Variants in EIF4G3 observed in about 807,000 individuals in gnomAD.
EIF4G3 encodes the protein eIF-4-gamma 3.
Under a neutral mutation model 186.4 loss-of-function variants are expected in EIF4G3, and 34 were observed. That is an observed-to-expected ratio of 0.18 (90% CI 0.14 to 0.24). The LOEUF is 0.24. EIF4G3 is among the 10% of genes least tolerant of loss of function. The pLI is 1.00. For synonymous variants in EIF4G3, 673 were observed against 679.5 expected (o/e 0.99, Z 0.15); for missense variants, 1,536 against 1,948.5 (o/e 0.79, Z 3.99).
intron 2 of EIF4G3, among the ~76,000 whole-genome samples, chr1:21,163,030 G>A (rs1280453660): frequency 2.6e-5 from 4 of 152,122 alleles, no homozygotes; most frequent in Non-Finnish European, 4.4e-5. Flanking sequence ...CTCCTTTCCA[G>A]CTTAGAAAAA....
chr1:20,867,872 A>G (rs1369867858), intron 20 of EIF4G3, among the ~76,000 whole-genome samples: 1 of 152,200 alleles, frequency 6.6e-6, no homozygotes, highest in Non-Finnish European at 1.5e-5. Flanking sequence ...TTTCAGATAT[A>G]TTCACATGGA....
At chr1:20,935,833 AC>A (rs1281978117) in intron 14 of EIF4G3, among the ~76,000 whole-genome samples, 4 of 152,240 alleles carry the variant, frequency 2.6e-5, no homozygotes, top group African/African-American at 9.6e-5. Flanking sequence ...TCTTTAAAAG[AC>A]TGAGGGAGCA....
chr1:20,909,875 G>A (rs2092913969), intron 14 of EIF4G3, among the ~76,000 whole-genome samples: 1 of 149,100 alleles, frequency 6.7e-6, no homozygotes, highest in South Asian at 2.1e-4. Flanking sequence ...CCAGACTCCT[G>A]GGCCCAAGTG....
intron 2 of EIF4G3, among the ~76,000 whole-genome samples, chr1:21,167,762 A>G (rs2097882496): frequency 7.0e-6 from 1 of 142,830 alleles, no homozygotes; most frequent in South Asian, 2.1e-4. Flanking sequence ...CGTCACAAAG[A>G]AAAAAAAAAT....
Position 21,176,868 on chromosome 1 carries a change from G to C in EIF4G3, c.-602C>G. The C allele has an allele frequency of 4.3e-6, 3 of 699,584 alleles. No individual in the cohort carries two copies. The highest frequency in any genetic ancestry group is 7.8e-6 in the Non-Finnish European group (3 of 382,916). 43.3% of individuals were successfully genotyped at this position (699,584 alleles called of 1,614,324 possible). ...AGCAGAGCATCCAACATGGCGCTGT[G>C]GCCGCCTCCAGCAGTCCGGCAGGAC... On this transcript the variant is annotated 5_prime_UTR_variant, in exon 1 of 37. Transcript: ENST00000602326.
chr1:21,124,325 CAAG>C (rs2096986390), intron 2 of EIF4G3, among the ~76,000 whole-genome samples: 1 of 151,910 alleles, frequency 6.6e-6, no homozygotes, highest in South Asian at 2.1e-4. Flanking sequence ...ACAAAGCTTT[CAAG>C]AAATGTCCTT....
chr1:21,130,447 T>C (rs960450817), intron 2 of EIF4G3, among the ~76,000 whole-genome samples: 1 of 151,942 alleles, frequency 6.6e-6, no homozygotes, highest in African/African-American at 2.4e-5. Context: ...CAGGGTGGTC[T>C]TGAACTCCTG....
chr1:20,822,161 C>A (rs1306497858), intron 33 of EIF4G3, among the ~76,000 whole-genome samples: 2 of 152,156 alleles, frequency 1.3e-5, no homozygotes, highest in South Asian at 4.1e-4. Flanking sequence ...TAGGCATGAG[C>A]CACCACGCCT....
Position 20,895,416 on chromosome 1 carries a change from T to C in EIF4G3, c.2085A>G (p.Ile695Met). 4.3e-6 allele frequency: 7 copies of C among 1,614,080 alleles called. No individual in the cohort carries two copies. Among genetic ancestry groups the C allele is most frequent in the South Asian group, 1.1e-5 (1 of 91,070 alleles). The change falls in exon 17 of 37, where the codon ATA becomes ATG. Residue 695 changes from isoleucine to methionine, a missense_variant. Transcript: ENST00000602326. The stretch of plus-strand genomic sequence containing the variant: ...TAGGAGGCAGGCCCTCTGGTTTTTG[T>C]ATACAGGCAGGCATGAACTGGAAGT... Reference protein sequence around the residue: ...LLDFQFMPACIQKPEGLPPIS... With the variant: ...LLDFQFMPACMQKPEGLPPIS...
Position 20,870,140 on chromosome 1 carries a change from C to T in EIF4G3, c.2623-4878G>A, listed in dbSNP as rs72652940. Among the ~76,000 whole-genome samples, 24 of 152,086 alleles carry T rather than the reference C, an allele frequency of 1.6e-4. 1 individual carries two copies. The highest frequency in any genetic ancestry group is 5.3e-4 in the African/African-American group (22 of 41,496). On this transcript the variant is annotated intron_variant, in intron 20 of 36. Coordinates refer to ENST00000602326, the MANE Select transcript of EIF4G3 (RefSeq NM_001391906.1). ...ACAAATCCCTCCTCCTCCAGTTGACCGGTCACTCGCTGTTGCCCAAGGCTG... is the reference window on the plus strand; with the variant it reads ...ACAAATCCCTCCTCCTCCAGTTGACTGGTCACTCGCTGTTGCCCAAGGCTG...
intron 20 of EIF4G3, among the ~76,000 whole-genome samples, chr1:20,875,135 A>C (rs2080390007): frequency 6.6e-6 from 1 of 151,812 alleles, no homozygotes; most frequent in Admixed American, 6.6e-5. Context: ...GACTACTATC[A>C]TGCCTGGCTC....
At position 20,815,657 on chromosome 1, in the gene EIF4G3, G is replaced by T. The variant is rs1348919578; in HGVS notation, c.4515+1735C>A. Among the ~76,000 whole-genome samples the T allele has an allele frequency of 4.1e-5, 6 of 146,686 alleles. No individual in the cohort carries two copies. In the South Asian group the frequency reaches 1.3e-3, roughly 32 times the overall value. ...CCCGTCCGGGAGGGAGGTGGGGGGG[G>T]GTCAGCCCCCCGCCCGGCCAGCCGC... On this transcript the variant is annotated intron_variant, in intron 34 of 36. Transcript: ENST00000602326.
intron 32 of EIF4G3, among the ~76,000 whole-genome samples, chr1:20,826,594 A>G (rs1263094680): frequency 7.6e-6 from 1 of 132,424 alleles, no homozygotes; most frequent in Non-Finnish European, 1.5e-5. Context: ...GGTTCAAGCT[A>G]TTCTCCTGCC....
At chr1:21,018,061 C>T (rs1362227758) in intron 4 of EIF4G3, among the ~76,000 whole-genome samples, 5 of 151,834 alleles carry the variant, frequency 3.3e-5, no homozygotes, top group Non-Finnish European at 7.4e-5. Context: ...ACCTCTGCCT[C>T]CCAAGTAGTT....
chr1:21,156,700 T>C (rs1437163119), intron 2 of EIF4G3, among the ~76,000 whole-genome samples: 1 of 152,226 alleles, frequency 6.6e-6, no homozygotes, highest in African/African-American at 2.4e-5. Flanking sequence ...TCTTCCTTTA[T>C]GATAGCTTTC....
chr1:21,018,483 C>T (rs1044432482), intron 4 of EIF4G3, among the ~76,000 whole-genome samples: 1 of 151,844 alleles, frequency 6.6e-6, no homozygotes, highest in African/African-American at 2.4e-5. Context: ...TCGCTTGAAC[C>T]CAGGAGGTGG....
At chr1:21,093,358 C>G (rs1485843004) in intron 2 of EIF4G3, among the ~76,000 whole-genome samples, 1 of 152,214 alleles carries the variant, frequency 6.6e-6, no homozygotes, top group African/African-American at 2.4e-5. Context: ...AAATGCTCAT[C>G]ATCACTGGCC....
chr1:20,956,648 ACAT>A (rs2096434983), intron 12 of EIF4G3, among the ~76,000 whole-genome samples: 2 of 150,206 alleles, frequency 1.3e-5, no homozygotes, highest in East Asian at 3.9e-4. Flanking sequence ...CAAGGAGAGC[ACAT>A]CAAACACCTG....
chr1:20,844,496 T>TG (rs1211469816), intron 29 of EIF4G3, among the ~76,000 whole-genome samples: 7 of 149,804 alleles, frequency 4.7e-5, no homozygotes, highest in Non-Finnish European at 5.9e-5. Flanking sequence ...TTAGTGTGTG[T>TG]TTTTTTTTTC....
Sources: allele counts gnomAD v4.1 joint callset (sites outside exome capture counted in the v4.1 genomes callset), GRCh38; gene constraint gnomAD v4.1.1; transcripts MANE v1.5; gene names NCBI Gene and HGNC (gene_info 2026-07-23, HGNC 2026-07-21).